MAPK10: variants seen among roughly 807,000 people sequenced by gnomAD.
MAPK10 encodes the protein mitogen-activated protein kinase 10.
A neutral mutation model predicts 59.3 loss-of-function variants in MAPK10; 25 were observed. The ratio of observed to expected loss-of-function variants is 0.42; its 90% CI spans 0.31 to 0.59. The LOEUF (loss-of-function observed/expected upper bound fraction) is 0.59. MAPK10 is among the 20% of genes least tolerant of loss of function. The pLI is 0.15. For synonymous variants in MAPK10, 190 were observed against 200.5 expected, an observed-to-expected ratio of 0.95 and a Z score of 0.44; for missense variants, 351 against 568.9, an observed-to-expected ratio of 0.62 and a Z score of 3.90.
chr4:86,244,192 TA>T (rs1328480630), intron 2 of MAPK10, among the ~76,000 whole-genome samples: 1 of 151,972 alleles, frequency 6.6e-6, no homozygotes, highest in African/African-American at 2.4e-5. Context: ...TGAAAAAGCA[TA>T]AAAAGGAGGA....
intron 1 of MAPK10, among the ~76,000 whole-genome samples, chr4:86,401,421 T>C (rs1334230958): frequency 2.0e-5 from 3 of 152,162 alleles, no homozygotes; most frequent in Non-Finnish European, 1.5e-5. Context: ...TGAAAAGCAA[T>C]GTAGGAAATT....
At chr4:86,362,512 A>G (rs1737178465), upstream of MAPK10, among the ~76,000 whole-genome samples, 1 of 152,054 alleles carries the variant, frequency 6.6e-6, no homozygotes, top group African/African-American at 2.4e-5. Context: ...TAGATGATAC[A>G]TATATCTGAA....
At chr4:86,385,936 C>G (rs1741391894) in intron 1 of MAPK10, among the ~76,000 whole-genome samples, 1 of 152,178 alleles carries the variant, frequency 6.6e-6, no homozygotes, top group Non-Finnish European at 1.5e-5. Flanking sequence ...AACCCTAGTA[C>G]TGTAGTATTT....
chr4:86,071,003 C>T (rs1294334686), intron 9 of MAPK10, among the ~76,000 whole-genome samples: 4 of 151,962 alleles, frequency 2.6e-5, no homozygotes, highest in Non-Finnish European at 4.4e-5. Context: ...TTTACAGTCC[C>T]ACCAACAGTG....
intron 4 of MAPK10, among the ~76,000 whole-genome samples, chr4:86,112,509 C>T (rs531624114): frequency 1.3e-4 from 19 of 151,982 alleles, no homozygotes; most frequent in Non-Finnish European, 2.5e-4. Flanking sequence ...TCACCTTTCT[C>T]GTAGTTGTGT....
intron 2 of MAPK10, among the ~76,000 whole-genome samples, chr4:86,212,498 G>A (rs189144442): frequency 6.6e-5 from 10 of 152,218 alleles, no homozygotes; most frequent in Admixed American, 4.6e-4. Context: ...TCCAGCCTGG[G>A]CAACAAAGTG....
At chr4:86,048,096 A>T (rs1171394675) in intron 11 of MAPK10, among the ~76,000 whole-genome samples, 1 of 152,092 alleles carries the variant, frequency 6.6e-6, no homozygotes, top group Admixed American at 6.6e-5. Flanking sequence ...GATATCAGAA[A>T]GGGTTTTATA....
intron 2 of MAPK10, among the ~76,000 whole-genome samples, chr4:86,260,674 C>G (rs1380608662): frequency 6.6e-6 from 1 of 151,998 alleles, no homozygotes; most frequent in Admixed American, 6.6e-5. Flanking sequence ...ATATATCTTT[C>G]TTAAAAGAAA....
chr4:86,284,610 T>C (rs773428416), intron 2 of MAPK10, among the ~76,000 whole-genome samples: 1 of 152,240 alleles, frequency 6.6e-6, no homozygotes, highest in Non-Finnish European at 1.5e-5. Context: ...ATTATGTTTA[T>C]TATAAACAAG....
At chr4:86,393,335 G>GT (rs112022296) in intron 1 of MAPK10, among the ~76,000 whole-genome samples, 17,325 of 143,104 alleles carry the variant, frequency 0.12, 949 homozygotes, top group African/African-American at 0.14. Flanking sequence ...CAATGATCTA[G>GT]TTTTTTTTTT....
At chr4:86,245,758 G>T (rs1490582610) in intron 2 of MAPK10, among the ~76,000 whole-genome samples, 1 of 152,142 alleles carries the variant, frequency 6.6e-6, no homozygotes, top group African/African-American at 2.4e-5. Flanking sequence ...AGTTTAAAAT[G>T]CCTCTAAAAC....
intron 2 of MAPK10, among the ~76,000 whole-genome samples, chr4:86,264,016 T>C (rs1387526816): frequency 6.6e-6 from 1 of 152,228 alleles, no homozygotes; most frequent in South Asian, 2.1e-4. Flanking sequence ...ATCACCATTA[T>C]TGGTTATAGT....
intron 9 of MAPK10, among the ~76,000 whole-genome samples, chr4:86,083,966 A>C (rs2051220688): frequency 6.6e-6 from 1 of 152,154 alleles, no homozygotes; most frequent in Non-Finnish European, 1.5e-5. Flanking sequence ...AAGGGAACCC[A>C]TGGCCTTAAA....
intron 2 of MAPK10, among the ~76,000 whole-genome samples, chr4:86,229,673 C>T (rs897967709): frequency 5.3e-5 from 8 of 151,630 alleles, no homozygotes; most frequent in African/African-American, 1.9e-4. Flanking sequence ...TATATAGGAA[C>T]TTTCTTATTT....
intron 1 of MAPK10, among the ~76,000 whole-genome samples, chr4:86,386,890 T>G (rs75841197): frequency 2.6e-5 from 4 of 152,228 alleles, no homozygotes; most frequent in African/African-American, 9.6e-5. Flanking sequence ...TGGGCTAGGA[T>G]ATCTTTGGAA....
At chr4:86,441,563 T>C (rs1224796159) in intron 1 of MAPK10, among the ~76,000 whole-genome samples, 1 of 152,220 alleles carries the variant, frequency 6.6e-6, no homozygotes, top group African/African-American at 2.4e-5. Flanking sequence ...TGTAGAATTC[T>C]TTTTGCTTAA....
At chr4:86,322,912 C>T (rs556895110) in intron 2 of MAPK10, among the ~76,000 whole-genome samples, 27 of 152,304 alleles carry the variant, frequency 1.8e-4, no homozygotes, top group African/African-American at 4.8e-4. Context: ...GCGAGCTTCA[C>T]GCCTGTAATC....
intron 2 of MAPK10, among the ~76,000 whole-genome samples, chr4:86,213,498 A>G (rs964393606): frequency 1.3e-5 from 2 of 152,092 alleles, no homozygotes; most frequent in Non-Finnish European, 2.9e-5. Flanking sequence ...AATTCCTGAA[A>G]TCAGAAATGA....
chr4:86,198,832 A>G (rs2081988333), intron 2 of MAPK10, among the ~76,000 whole-genome samples: 1 of 151,864 alleles, frequency 6.6e-6, no homozygotes, highest in Non-Finnish European at 1.5e-5. Flanking sequence ...ACAGTGAAAA[A>G]TTTATTGAGA....
Sources: allele counts gnomAD v4.1 joint callset (sites outside exome capture counted in the v4.1 genomes callset), GRCh38; gene constraint gnomAD v4.1.1; transcripts MANE v1.5; gene names NCBI Gene and HGNC (gene_info 2026-07-23, HGNC 2026-07-21).